TMEM268: variants seen among roughly 807,000 people sequenced by gnomAD.
TMEM268 encodes transmembrane protein C9orf91.
A neutral mutation model predicts 39.1 loss-of-function variants in TMEM268; 24 were observed. The observed-to-expected ratio is 0.61, with a 90% CI of 0.44 to 0.86. TMEM268 has a LOEUF of 0.86. Ranked by LOEUF, TMEM268 falls within the 40% of genes least tolerant of loss-of-function variation. The probability of loss-of-function intolerance (pLI) is 0.00; values close to 1 mark genes in which losing one functional copy is unlikely to be tolerated. For synonymous variants in TMEM268, 176 were observed against 173.5 expected (o/e 1.01, Z -0.12); for missense variants, 409 against 428.6 (o/e 0.95, Z 0.40).
intron 8 of TMEM268, among the ~76,000 whole-genome samples, chr9:114,642,744 G>C (rs886327313): frequency 6.6e-6 from 1 of 152,132 alleles, no homozygotes; most frequent in Non-Finnish European, 1.5e-5. Flanking sequence ...GCCTCCCAAA[G>C]TGCTGGGATT....
At chr9:114,618,670 AAAAG>A (rs1845829577) in intron 2 of TMEM268, among the ~76,000 whole-genome samples, 3 of 152,256 alleles carry the variant, frequency 2.0e-5, no homozygotes, top group Admixed American at 2.0e-4. Context: ...CTCAAAAAAA[AAAAG>A]AAAGAAAAAG....
At chr9:114,619,221 C>G (rs1388599724) in intron 2 of TMEM268, among the ~76,000 whole-genome samples, 1 of 152,158 alleles carries the variant, frequency 6.6e-6, no homozygotes, top group Non-Finnish European at 1.5e-5. Flanking sequence ...CATTGCTTCA[C>G]TGATTTTTGG....
At chr9:114,626,092 G>A (rs745708977) in intron 3 of TMEM268, among the ~76,000 whole-genome samples, 11 of 151,800 alleles carry the variant, frequency 7.2e-5, no homozygotes, top group Non-Finnish European at 1.5e-4. Flanking sequence ...CCCAAAGTGC[G>A]GGGATTACAG....
At position 114,624,305 on chromosome 9, in the gene TMEM268, G is replaced by T. The variant is rs781199911; in HGVS notation, c.107-45G>T. On this transcript the variant is annotated intron_variant, in intron 2 of 8. Coordinates refer to ENST00000288502, the MANE Select transcript of TMEM268 (RefSeq NM_153045.4). ...GCTTCGGGCTCACCCCACGAGCCTG[G>T]TATGGTTATCACTCAGCCAGATGAA... 5.8e-6 allele frequency: 9 copies of T among 1,559,012 alleles called. No individual in the cohort carries two copies. In the Admixed American group the frequency reaches 9.6e-5, roughly 17 times the overall value.
intron 2 of TMEM268, among the ~76,000 whole-genome samples, chr9:114,620,927 A>AG (rs1398278725): frequency 6.8e-5 from 3 of 43,960 alleles, no homozygotes; most frequent in African/African-American, 3.0e-4. Flanking sequence ...CACCACTTCC[A>AG]AAAAAAAACA....
In TMEM268 at chr9:114,628,244, G is replaced by A. The variant is rs756714077; in HGVS notation, c.468G>A (p.Gln156=). The A allele has an allele frequency of 1.1e-5, 18 of 1,613,842 alleles. No individual in the cohort carries two copies. In the East Asian group the frequency reaches 3.1e-4, roughly 28 times the overall value. The part of the protein sequence containing the change: ...LTLVLVFERH[Q]KKANTNTDLR... ...TTGTGCTGGTCTTTGAAAGACACCA[G>A]AAGAAGGTGAGATGTCTGGAGATCC... The change falls in exon 5 of 9, where the codon CAG becomes CAA. Residue 156 remains glutamine, a synonymous_variant. Transcript: ENST00000288502.
chr9:114,604,246 C>T, the TMEM268 span, among the ~76,000 whole-genome samples: 1 of 152,156 alleles, frequency 6.6e-6, no homozygotes, highest in East Asian at 1.9e-4. Context: ...CTTCAGTTGC[C>T]CTCTGGGCAA....
rs758960646 is a variant in TMEM268 at position 114,617,201 on chromosome 9, C to T, written c.6C>T (p.Ala2=). 3 of 1,604,262 alleles carry T rather than the reference C, an allele frequency of 1.9e-6. No homozygotes were observed. The highest frequency in any genetic ancestry group is 3.5e-5 in the Admixed American group (2 of 57,628). The change falls in exon 2 of 9, where the codon GCC becomes GCT. Residue 2 remains alanine, a synonymous_variant. Coordinates refer to ENST00000288502, the MANE Select transcript of TMEM268 (RefSeq NM_153045.4). M[A]CEPQVDPGAT... ...GAAACAGCTGGCGCCCTGCCATGGC[C>T]TGTGAACCACAGGTGGACCCGGGGG...
chr9:114,637,420 G>A (rs937208387), intron 7 of TMEM268, among the ~76,000 whole-genome samples: 9 of 151,434 alleles, frequency 5.9e-5, no homozygotes, highest in African/African-American at 2.2e-4. Context: ...AGCCTCCGGA[G>A]TAGCTGGAAT....
chr9:114,613,811 A>G (rs1459954514), intron 1 of TMEM268, among the ~76,000 whole-genome samples: 1 of 152,140 alleles, frequency 6.6e-6, no homozygotes, highest in Non-Finnish European at 1.5e-5. Context: ...CAGTCACACT[A>G]GAGTGCAGAG....
chr9:114,624,763 G>A (rs1846089136), intron 3 of TMEM268, among the ~76,000 whole-genome samples: 2 of 152,234 alleles, frequency 1.3e-5, no homozygotes, highest in Non-Finnish European at 2.9e-5. Context: ...ACGTGTGTGG[G>A]AGAAATTGGG....
chr9:114,608,197 C>T (rs2133570722), upstream of TMEM268, among the ~76,000 whole-genome samples: 1 of 152,378 alleles, frequency 6.6e-6, no homozygotes. Context: ...GAGATGCAAA[C>T]ACATGATACC....
intron 5 of TMEM268, among the ~76,000 whole-genome samples, chr9:114,631,014 T>C (rs1846370004): frequency 6.6e-6 from 1 of 152,182 alleles, no homozygotes; most frequent in Non-Finnish European, 1.5e-5. Context: ...TTAGCCTTTC[T>C]CAGGATTGGA....
At chr9:114,628,469 T>C (rs1391529580) in intron 5 of TMEM268, among the ~76,000 whole-genome samples, 2 of 152,230 alleles carry the variant, frequency 1.3e-5, no homozygotes, top group Admixed American at 1.3e-4. Context: ...GGAAGCAAGC[T>C]GTGTTTTGGG....
rs1827496696 is a variant in TMEM268, at chr9:114,644,565, C to T, written c.*1252C>T. Reference sequence around the variant, plus strand: ...TTAAGGACAGAGACTACACCTTGTACTTTTTGTGCATGACCTGGACCTGCT... The same window carrying T: ...TTAAGGACAGAGACTACACCTTGTATTTTTTGTGCATGACCTGGACCTGCT... On this transcript the variant is annotated 3_prime_UTR_variant, in exon 9 of 9. Coordinates refer to ENST00000288502, the MANE Select transcript of TMEM268 (RefSeq NM_153045.4). 6.6e-6 allele frequency: 1 copy of T among 151,864 alleles called. No individual in the cohort carries two copies. Among genetic ancestry groups the T allele is most frequent in the Non-Finnish European group, 1.5e-5 (1 of 67,986 alleles). The allele number at this position is 151,864 out of a possible 1,614,324, so 9.4% of individuals were successfully genotyped here.
At chr9:114,629,985 G>A (rs1417533989) in intron 5 of TMEM268, among the ~76,000 whole-genome samples, 2 of 152,182 alleles carry the variant, frequency 1.3e-5, no homozygotes, top group African/African-American at 4.8e-5. Flanking sequence ...CAAGAACTTT[G>A]TCTTGGGGAG....
rs1296719235 is a variant in TMEM268 at position 114,645,420 on chromosome 9, AGAG to A, written c.*2108_*2110del. Reference sequence around the variant, plus strand: ...TAATAAACACGTGGCTTGCCATTCAAGAGATGAGTCTGACCATTCACTTTCTGT... The same window carrying A: ...TAATAAACACGTGGCTTGCCATTCAAATGAGTCTGACCATTCACTTTCTGT... On this transcript the variant is annotated 3_prime_UTR_variant, in exon 9 of 9. Transcript: ENST00000288502. 17 of 152,396 alleles carry A rather than the reference AGAG, an allele frequency of 1.1e-4. No individual in the cohort carries two copies. The highest frequency in any genetic ancestry group is 3.9e-4 in the African/African-American group (16 of 41,468). The allele number at this position is 152,396 out of a possible 1,614,324, so 9.4% of individuals were successfully genotyped here. A position where few individuals can be genotyped will look rare whatever the true frequency, so the allele number is the denominator to read the frequency against.
chr9:114,617,024 G>T, intron 1 of TMEM268, 94 bp from the exon 2 acceptor site: 1 of 522,254 alleles, frequency 1.9e-6, no homozygotes, highest in Non-Finnish European at 3.4e-6. Context: ...AACTCTCCCT[G>T]GCCTTTGGTG....
chr9:114,621,345 C>CAAA (rs34338222), intron 2 of TMEM268, among the ~76,000 whole-genome samples: 3 of 135,946 alleles, frequency 2.2e-5, no homozygotes, highest in African/African-American at 8.3e-5. Context: ...GATGCTGTCT[C>CAAA]AAAAAAAAAA....
Sources: allele counts gnomAD v4.1 joint callset (sites outside exome capture counted in the v4.1 genomes callset), GRCh38; gene constraint gnomAD v4.1.1; transcripts MANE v1.5; gene names NCBI Gene and HGNC (gene_info 2026-07-23, HGNC 2026-07-21).